TMCC1: variants seen among roughly 807,000 people sequenced by gnomAD.
TMCC1 encodes the protein transmembrane and coiled-coil domain family 1, also known as transmembrane and coiled-coil domains protein 1.
In TMCC1, 15 loss-of-function variants were observed where a neutral mutation model predicts 52.4. The ratio of observed to expected loss-of-function variants is 0.29; its 90% confidence interval spans 0.19 to 0.44. TMCC1 has a LOEUF of 0.44. TMCC1 is among the 20% of genes least tolerant of loss of function. TMCC1 has a pLI of 1.00. For missense variants in TMCC1, 503 were observed against 806.0 expected, an observed-to-expected ratio of 0.62 and a Z score of 4.55; for synonymous variants, 279 against 301.9, an observed-to-expected ratio of 0.92 and a Z score of 0.79.
chr3:129,831,088 C>A (rs2058888914), intron 3 of TMCC1, among the ~76,000 whole-genome samples: 1 of 152,086 alleles, frequency 6.6e-6, no homozygotes, highest in Admixed American at 6.6e-5. Flanking sequence ...GCACGTGCCA[C>A]CATGCACAGC....
chr3:129,751,119 C>G (rs370407791), intron 4 of TMCC1, among the ~76,000 whole-genome samples: 1 of 151,902 alleles, frequency 6.6e-6, no homozygotes, highest in Admixed American at 6.6e-5. Context: ...GAGGATCACT[C>G]GGACCCAGGA....
chr3:129,747,673 A>G (rs376677298), intron 4 of TMCC1, among the ~76,000 whole-genome samples: 3 of 152,176 alleles, frequency 2.0e-5, no homozygotes, highest in East Asian at 3.9e-4. Flanking sequence ...CCTGGTGTAG[A>G]TGTCAACCTC....
chr3:129,705,075 T>C (rs1560227512), intron 4 of TMCC1, among the ~76,000 whole-genome samples: 4 of 152,182 alleles, frequency 2.6e-5, no homozygotes, highest in Admixed American at 1.3e-4. Context: ...TAGATGTCAA[T>C]GTCTACTTAA....
intron 4 of TMCC1, among the ~76,000 whole-genome samples, chr3:129,774,369 A>G (rs2054855067): frequency 6.6e-6 from 1 of 152,018 alleles, no homozygotes; most frequent in Non-Finnish European, 1.5e-5. Flanking sequence ...TATCATACCT[A>G]AAAAAATGCT....
intron 4 of TMCC1, among the ~76,000 whole-genome samples, chr3:129,763,663 A>T (rs2053843210): frequency 1.3e-5 from 2 of 151,820 alleles, no homozygotes; most frequent in African/African-American, 4.8e-5. Context: ...GGTACCAGTT[A>T]CAGATTTAAT....
At chr3:129,717,304 A>G (rs1191709190) in intron 4 of TMCC1, among the ~76,000 whole-genome samples, 1 of 152,224 alleles carries the variant, frequency 6.6e-6, no homozygotes. Flanking sequence ...ACCTATCTGC[A>G]GCATTTGACA....
At chr3:129,882,481 T>TGC (rs2061504246) in intron 1 of TMCC1, among the ~76,000 whole-genome samples, 5 of 152,082 alleles carry the variant, frequency 3.3e-5, no homozygotes, top group Admixed American at 2.0e-4. Context: ...GAAAATAGAA[T>TGC]TACCATATGA....
chr3:129,676,256 A>G (rs2088438216), intron 4 of TMCC1, among the ~76,000 whole-genome samples: 1 of 152,048 alleles, frequency 6.6e-6, no homozygotes, highest in African/African-American at 2.4e-5. Context: ...GCCCATTCAC[A>G]GCTGATATTA....
chr3:129,651,673 G>T lies in TMCC1; in HGVS notation c.1770C>A (p.Ile590=). The T allele has an allele frequency of 6.2e-7, 1 of 1,614,246 alleles. No individual in the cohort carries two copies. Among genetic ancestry groups the T allele is most frequent in the Non-Finnish European group, 8.5e-7 (1 of 1,180,038 alleles). Residue 590 remains isoleucine, a synonymous_variant, in exon 7 of 7, where the codon ATC becomes ATA. Coordinates refer to ENST00000393238, the MANE Select transcript of TMCC1 (RefSeq NM_001017395.5). The surrounding 1 kb of genome is among the most constrained non-coding windows in gnomAD (Gnocchi z 5.1). ...ATARNLLGKL[I]NILLAVMAVL... ...CTGCCATGACAGCCAGGAGGATGTT[G>T]ATGAGTTTGCCCAGAAGGTTCCGGG...
Position 129,761,474 on chromosome 3 carries a change from T to C in TMCC1, c.576+66329A>G, listed in dbSNP as rs558703835. On this transcript the variant is annotated intron_variant, in intron 4 of 6. Transcript: ENST00000393238. ...CCCAGGCTGGAGTGCACTGATGCAA[T>C]CACAGCTCACTGCAGCCTCAACTTT... is the stretch of plus-strand genomic sequence containing the variant. 1.2e-4 allele frequency among the ~76,000 whole-genome samples: 18 copies of C among 151,996 alleles called. No individual in the cohort carries two copies. In the East Asian group the frequency reaches 3.3e-3, roughly 28 times the overall value.
intron 4 of TMCC1, among the ~76,000 whole-genome samples, chr3:129,732,975 CTGTGTTGATT>C (rs2050662886): frequency 6.6e-6 from 1 of 152,172 alleles, no homozygotes; most frequent in Non-Finnish European, 1.5e-5. Flanking sequence ...GGGTTTTAGG[CTGTGTTGATT>C]TGAAGCCTGA....
At chr3:129,697,807 C>T (rs1479584637) in intron 4 of TMCC1, among the ~76,000 whole-genome samples, 3 of 152,188 alleles carry the variant, frequency 2.0e-5, no homozygotes, top group East Asian at 3.9e-4. Flanking sequence ...CCTTTGCTCT[C>T]GTTGTCAACA....
At chr3:129,738,274 A>AC (rs386397910) in intron 4 of TMCC1, among the ~76,000 whole-genome samples, 3 of 12,820 alleles carry the variant, frequency 2.3e-4, no homozygotes, top group Non-Finnish European at 8.7e-4. Context: ...CCGCCTAAAC[A>AC]AAAAAAAAAA....
At chr3:129,878,467 ACT>A (rs1257071659) in intron 2 of TMCC1, among the ~76,000 whole-genome samples, 4 of 151,906 alleles carry the variant, frequency 2.6e-5, no homozygotes, top group African/African-American at 9.7e-5. Flanking sequence ...AAACCTGCTG[ACT>A]CTACTTGAAA....
At chr3:129,812,831 A>G (rs1049937001) in intron 4 of TMCC1, among the ~76,000 whole-genome samples, 6 of 152,206 alleles carry the variant, frequency 3.9e-5, no homozygotes, top group Non-Finnish European at 5.9e-5. Flanking sequence ...ATGGGACCCA[A>G]TGAAACTAAA....
chr3:129,865,212 T>C (rs935662118), intron 2 of TMCC1, among the ~76,000 whole-genome samples: 1 of 151,982 alleles, frequency 6.6e-6, no homozygotes. Context: ...TTCCCTGTAG[T>C]GGTGCAAGGC....
At chr3:129,742,024 T>G (rs1325328241) in intron 4 of TMCC1, among the ~76,000 whole-genome samples, 2 of 152,126 alleles carry the variant, frequency 1.3e-5, no homozygotes, top group Non-Finnish European at 2.9e-5. Context: ...TCAAGATAAC[T>G]CACAGGGAAA....
intron 3 of TMCC1, among the ~76,000 whole-genome samples, chr3:129,831,703 ACT>A (rs2058923346): frequency 2.6e-5 from 4 of 152,302 alleles, no homozygotes; most frequent in African/African-American, 7.2e-5. Context: ...GCAATAATTA[ACT>A]CTATAAAATT....
At chr3:129,733,752 G>T (rs2050725494) in intron 4 of TMCC1, among the ~76,000 whole-genome samples, 1 of 152,088 alleles carries the variant, frequency 6.6e-6, no homozygotes, top group Non-Finnish European at 1.5e-5. Flanking sequence ...CAACCTGTTT[G>T]TATAATTAAG....
Sources: gnomAD v4.1 joint callset for allele counts (sites outside exome capture counted in the v4.1 genomes callset) on GRCh38, gnomAD v4.1.1 for gene constraint, Gnocchi (gnomAD v3.1) non-coding constraint, MANE v1.5 for transcripts, NCBI Gene and HGNC (gene_info 2026-07-23, HGNC 2026-07-21) for gene names.